Variants in NCOA2 observed in about 807,000 individuals in gnomAD.
NCOA2 encodes the protein class E basic helix-loop-helix protein 75.
NCOA2 carries 21 observed loss-of-function variants against 145.1 expected under a neutral mutation model. That is an observed-to-expected ratio of 0.14 (90% CI 0.10 to 0.21). The LOEUF is 0.21. NCOA2 is among the 10% of genes least tolerant of loss of function. The pLI, the probability that NCOA2 is intolerant of heterozygous loss-of-function variation, is 1.00. For synonymous variants in NCOA2, 619 were observed against 637.5 expected (o/e 0.97, Z 0.44); for missense variants, 1,472 against 1,837.6 (o/e 0.80, Z 3.64).
At position 70,144,831 on chromosome 8, in the gene NCOA2, G is replaced by C. The variant is rs1187966377; in HGVS notation, c.2623C>G (p.Pro875Ala). The C allele has an allele frequency of 3.1e-6, 5 of 1,613,926 alleles. No homozygotes were observed. Among genetic ancestry groups the C allele is most frequent in the Non-Finnish European group, 4.2e-6 (5 of 1,179,824 alleles). ...ISQSTFNNPR[P>A]GQLGRLLPNQ... is the part of the protein sequence containing the mutation. The stretch of plus-strand genomic sequence containing the variant: ...GGCAATAACCTGCCCAGTTGCCCTG[G>C]TCGTGGGTTATTAAAAGCTAAGGAG... The change falls in exon 13 of 23, where the codon CCA (proline) becomes GCA (alanine). Residue 875 changes from proline (P) to alanine (A), a missense_variant. By Grantham distance (27) the Pro-to-Ala change is conservative. Around this residue, in one of 4 missense-constraint regions of NCOA2, gnomAD observed 953 missense variants for 1,062.1 expected, o/e 0.90. Transcript: ENST00000452400.
intron 2 of NCOA2, among the ~76,000 whole-genome samples, chr8:70,281,025 T>C (rs2135469477): frequency 6.6e-6 from 1 of 151,672 alleles, no homozygotes; most frequent in Non-Finnish European, 1.5e-5. Context: ...AAGCTTCTAA[T>C]GTGAATTAAG....
At chr8:70,195,617 A>C (rs763007233) in intron 4 of NCOA2, among the ~76,000 whole-genome samples, 1 of 152,202 alleles carries the variant, frequency 6.6e-6, no homozygotes, top group Non-Finnish European at 1.5e-5. Flanking sequence ...TGTAATATTA[A>C]TTACATCTTA....
chr8:70,220,956 T>C (rs574097396), intron 2 of NCOA2, among the ~76,000 whole-genome samples: 1 of 152,314 alleles, frequency 6.6e-6, no homozygotes, highest in African/African-American at 2.4e-5. Flanking sequence ...CTAGCTCCAA[T>C]AAATGTTCTT....
chr8:70,207,736 C>A (rs1336716140), intron 4 of NCOA2, among the ~76,000 whole-genome samples: 1 of 151,322 alleles, frequency 6.6e-6, no homozygotes, highest in African/African-American at 2.4e-5. Flanking sequence ...TGGTGGTGGG[C>A]ACTGTAATCC....
the NCOA2 span, among the ~76,000 whole-genome samples, chr8:70,416,930 A>C: frequency 6.6e-6 from 1 of 152,224 alleles, no homozygotes; most frequent in African/African-American, 2.4e-5. Flanking sequence ...TGTTAAGTTG[A>C]TAATACTTAA....
intron 18 of NCOA2, 60 bp downstream of exon 18, chr8:70,128,373 G>A: frequency 6.9e-7 from 1 of 1,440,970 alleles, no homozygotes. Context: ...CAGAGAGGAA[G>A]AAATGACAAA....
intron 3 of NCOA2, 96 bp downstream of exon 3, chr8:70,216,564 T>C (rs1819638464): frequency 5.9e-6 from 6 of 1,015,908 alleles, no homozygotes; most frequent in Non-Finnish European, 9.3e-6. Context: ...CAACTCAATA[T>C]TTGAATCAGC....
chr8:70,184,726 G>C (rs578214536), intron 4 of NCOA2, among the ~76,000 whole-genome samples: 10 of 152,240 alleles, frequency 6.6e-5, no homozygotes, highest in African/African-American at 2.2e-4. Context: ...GGAAAGGAAG[G>C]GGGGCTGGTT....
chr8:70,425,662 C>T, the NCOA2 span, among the ~76,000 whole-genome samples: 54 of 152,330 alleles, frequency 3.5e-4, no homozygotes, highest in African/African-American at 1.2e-3. Context: ...TAAATTTCAA[C>T]GTCAATCCTG....
the NCOA2 span, among the ~76,000 whole-genome samples, chr8:70,410,447 C>T: frequency 1.3e-5 from 2 of 152,006 alleles, no homozygotes; most frequent in African/African-American, 2.4e-5. Context: ...AATAATAACC[C>T]AGCCTCCCAA....
intron 12 of NCOA2, among the ~76,000 whole-genome samples, chr8:70,145,351 A>G (rs1401166538): frequency 5.0e-5 from 1 of 19,870 alleles, no homozygotes; most frequent in Non-Finnish European, 9.3e-5. Context: ...TTTGAGACGG[A>G]GTCTCGCTCT....
intron 6 of NCOA2, among the ~76,000 whole-genome samples, chr8:70,169,409 C>A (rs948948821): frequency 6.6e-6 from 1 of 152,250 alleles, no homozygotes; most frequent in Admixed American, 6.5e-5. Flanking sequence ...GCTATAGCAT[C>A]TGAACCTCTC....
At chr8:70,453,896 C>A in the NCOA2 span, among the ~76,000 whole-genome samples, 1 of 152,160 alleles carries the variant, frequency 6.6e-6, no homozygotes, top group Admixed American at 6.5e-5. Context: ...AAGCAATATA[C>A]TATTACATTC....
chr8:70,147,412 G>A (rs1252906505), intron 12 of NCOA2, among the ~76,000 whole-genome samples: 1 of 152,180 alleles, frequency 6.6e-6, no homozygotes, highest in African/African-American at 2.4e-5. Context: ...TTTTTGATCT[G>A]AGAACAAATG....
chr8:70,347,212 C>T (rs542176491), intron 1 of NCOA2, among the ~76,000 whole-genome samples: 6 of 152,040 alleles, frequency 3.9e-5, no homozygotes, highest in East Asian at 3.9e-4. Context: ...CGGCTGGGCA[C>T]GGTGGCTCAC....
intron 1 of NCOA2, among the ~76,000 whole-genome samples, chr8:70,370,487 GCA>G (rs1292100906): frequency 6.6e-6 from 1 of 152,096 alleles, no homozygotes; most frequent in Non-Finnish European, 1.5e-5. Flanking sequence ...AGGAAAATCA[GCA>G]CACTGGGTCT....
chr8:70,296,287 G>A (rs1375803393), intron 2 of NCOA2, among the ~76,000 whole-genome samples: 3 of 152,172 alleles, frequency 2.0e-5, no homozygotes, highest in Non-Finnish European at 4.4e-5. Context: ...AGAAAGGTTG[G>A]CTCATTGCAT....
At chr8:70,261,855 C>T (rs922015932) in intron 2 of NCOA2, among the ~76,000 whole-genome samples, 10 of 151,720 alleles carry the variant, frequency 6.6e-5, no homozygotes, top group Admixed American at 2.6e-4. Context: ...GCTTATATGA[C>T]GATATGCTTT....
At chr8:70,154,036 G>T (rs948693525) in intron 11 of NCOA2, among the ~76,000 whole-genome samples, 1 of 152,212 alleles carries the variant, frequency 6.6e-6, no homozygotes, top group Non-Finnish European at 1.5e-5. Context: ...AGCTAGAAGA[G>T]CAAGTGTGGC....
Sources: allele counts gnomAD v4.1 joint callset (sites outside exome capture counted in the v4.1 genomes callset), GRCh38; gene constraint gnomAD v4.1.1; regional missense constraint gnomAD v4.1.1; transcripts MANE v1.5; gene names NCBI Gene and HGNC (gene_info 2026-07-23, HGNC 2026-07-21).